The following CNIH3 variants were observed in gnomAD, a reference collection of about 807,000 sequenced individuals.
CNIH3 encodes protein cornichon homolog 3.
CNIH3 carries 14 observed loss-of-function variants against 24.1 expected under a neutral mutation model. The ratio of observed to expected loss-of-function variants is 0.58; its 90% CI spans 0.38 to 0.91. The LOEUF is 0.91. Among genes scored for constraint, CNIH3 ranks in the 40% least tolerant of loss-of-function variants. CNIH3 has a pLI of 0.00. For synonymous variants in CNIH3, 68 were observed against 73.8 expected (o/e 0.92, Z 0.40); for missense variants, 178 against 196.8 (o/e 0.90, Z 0.57).
chr1:224,493,413 G>C (rs1328606030), intron 1 of CNIH3, among the ~76,000 whole-genome samples: 1 of 152,174 alleles, frequency 6.6e-6, no homozygotes, highest in Non-Finnish European at 1.5e-5. Context: ...TGTTTATGAT[G>C]TTTTGGGAGT....
chr1:224,435,298 T>C lies in CNIH3; in HGVS notation n.203+436T>C, dbSNP rs1674601499. 4 of 827,024 alleles carry C rather than the reference T, an allele frequency of 4.8e-6. No individual in the cohort carries two copies. The South Asian group carries it at 1.6e-4, about 34-fold the overall frequency. The allele number at this position is 827,024 out of a possible 1,614,324, so 51.2% of individuals were successfully genotyped here. A position where few individuals can be genotyped will look rare whatever the true frequency, so the allele number is the denominator to read the frequency against. On this transcript the variant is annotated intron_variant and non_coding_transcript_variant, in intron 1 of 5. Transcript: ENST00000471578. ...AGGACCGAAATCGGGTTTCACAACCTACTTGTTTTAGGGTGGAAAAACTTG... is the reference window on the plus strand; with the variant it reads ...AGGACCGAAATCGGGTTTCACAACCCACTTGTTTTAGGGTGGAAAAACTTG...
chr1:224,734,605 C>T lies in CNIH3; in HGVS notation c.354C>T (p.Asp118=), dbSNP rs770469088. 2 of 1,613,978 alleles carry T rather than the reference C, an allele frequency of 1.2e-6. No homozygotes were observed. Among genetic ancestry groups the T allele is most frequent in the Non-Finnish European group, 1.7e-6 (2 of 1,180,012 alleles). Residue 118 remains aspartate (D), a synonymous_variant, in exon 5 of 6, where the codon GAC becomes GAT. Transcript: ENST00000272133. The part of the protein sequence containing the change: ...CPADSSELAY[D]PPVVMNADTL... ...CAGATAGCTCAGAACTAGCCTACGACCCACCGGTGGTCATGAATGCCGACA... is the reference window on the plus strand; with the variant it reads ...CAGATAGCTCAGAACTAGCCTACGATCCACCGGTGGTCATGAATGCCGACA...
chr1:224,517,795 A>G (rs1306648448), intron 1 of CNIH3, among the ~76,000 whole-genome samples: 1 of 152,120 alleles, frequency 6.6e-6, no homozygotes, highest in African/African-American at 2.4e-5. Flanking sequence ...TGCATTTGCC[A>G]TTAGGGAAAT....
intron 3 of CNIH3, among the ~76,000 whole-genome samples, chr1:224,728,339 T>G (rs1689144676): frequency 1.3e-5 from 2 of 152,062 alleles, no homozygotes; most frequent in African/African-American, 2.4e-5. Flanking sequence ...TAGATAGGAT[T>G]GGTTATCACA....
chr1:224,492,296 A>T lies in CNIH3; in HGVS notation n.204-23445A>T, dbSNP rs74388930. On this transcript the variant is annotated intron_variant and non_coding_transcript_variant, in intron 1 of 5. Coordinates refer to the CNIH3 transcript ENST00000471578. ...CTGGTTGTTAAACACTTACCGACAC[A>T]TTACTGTGTGTAGGCATTCCTCCCC... Among the ~76,000 whole-genome samples the T allele has an allele frequency of 3.1e-3, 478 of 152,338 alleles. 1 individual carries two copies. The highest frequency in any genetic ancestry group is 0.011 in the African/African-American group (441 of 41,582).
chr1:224,715,846 C>A (rs1319869895), intron 3 of CNIH3, among the ~76,000 whole-genome samples: 1 of 152,168 alleles, frequency 6.6e-6, no homozygotes, highest in African/African-American at 2.4e-5. Flanking sequence ...TCCCATTAGG[C>A]CCCACTTCCC....
intron 3 of CNIH3, among the ~76,000 whole-genome samples, chr1:224,691,834 T>G (rs965525845): frequency 2.0e-5 from 3 of 152,242 alleles, no homozygotes; most frequent in Non-Finnish European, 1.5e-5. Flanking sequence ...CTTAAAGTGA[T>G]CTTATTCTTT....
intron 1 of CNIH3, among the ~76,000 whole-genome samples, chr1:224,516,284 C>A (rs59319739): frequency 7.0e-6 from 1 of 142,516 alleles, no homozygotes; most frequent in Non-Finnish European, 1.5e-5. Context: ...ACTGCATTCC[C>A]GCCTGGCGAC....
At chr1:224,612,073 T>A (rs1373041623), upstream of CNIH3, among the ~76,000 whole-genome samples, 1 of 152,234 alleles carries the variant, frequency 6.6e-6, no homozygotes, top group Non-Finnish European at 1.5e-5. This position sits in a 1 kb window ranked among gnomAD's most constrained non-coding sequence, Gnocchi z 4.7. Flanking sequence ...AGTGGTAGGA[T>A]AATGGATTCC....
At chr1:224,639,333 G>A (rs1684245120) in intron 1 of CNIH3, among the ~76,000 whole-genome samples, 1 of 152,254 alleles carries the variant, frequency 6.6e-6, no homozygotes, top group African/African-American at 2.4e-5. Context: ...CCTTGAAGGA[G>A]ATTGGCTGAA....
At chr1:224,551,074 G>A (rs973315897) in intron 3 of CNIH3, among the ~76,000 whole-genome samples, 1 of 151,972 alleles carries the variant, frequency 6.6e-6, no homozygotes, top group African/African-American at 2.4e-5. Flanking sequence ...GAAACAACAG[G>A]TGCTGGAGAG....
intron 3 of CNIH3, among the ~76,000 whole-genome samples, chr1:224,553,602 C>G (rs1452327596): frequency 6.6e-6 from 1 of 152,114 alleles, no homozygotes; most frequent in Non-Finnish European, 1.5e-5. Flanking sequence ...TCCTGTTGTG[C>G]TCCTGCTACA....
chr1:224,540,885 AAC>A (rs1679486577), downstream of CNIH3, among the ~76,000 whole-genome samples: 2 of 152,238 alleles, frequency 1.3e-5, no homozygotes, highest in Admixed American at 1.3e-4. Flanking sequence ...TATAGAATTA[AAC>A]AGTGTTCAAC....
At chr1:224,631,843 C>A (rs912534986) in intron 1 of CNIH3, among the ~76,000 whole-genome samples, 1 of 151,996 alleles carries the variant, frequency 6.6e-6, no homozygotes, top group African/African-American at 2.4e-5. Context: ...TTCTTATTGG[C>A]AACTGATTCA....
chr1:224,469,402 G>A (rs1676279300), intron 1 of CNIH3, among the ~76,000 whole-genome samples: 1 of 152,122 alleles, frequency 6.6e-6, no homozygotes, highest in Non-Finnish European at 1.5e-5. Context: ...TCTTTAGCCT[G>A]TTGATATGAT....
At position 224,734,594 on chromosome 1, in the gene CNIH3, C is replaced by T; in HGVS notation, c.343C>T (p.Leu115=). 2 of 1,614,178 alleles carry T rather than the reference C, an allele frequency of 1.2e-6. No homozygotes were observed. The highest frequency in any genetic ancestry group is 8.5e-7 in the Non-Finnish European group (1 of 1,180,018). ...CCACTGTCCAGCAGATAGCTCAGAACTAGCCTACGACCCACCGGTGGTCAT... is the reference window on the plus strand; with the variant it reads ...CCACTGTCCAGCAGATAGCTCAGAATTAGCCTACGACCCACCGGTGGTCAT... ...YFHCPADSSE[L]AYDPPVVMNA... The change falls in exon 5 of 6, where the codon CTA becomes TTA. Residue 115 remains leucine, a synonymous_variant. Coordinates refer to ENST00000272133, the MANE Select transcript of CNIH3 (RefSeq NM_152495.2).
At chr1:224,515,055 G>A (rs935349849), upstream of CNIH3, among the ~76,000 whole-genome samples, 2 of 152,174 alleles carry the variant, frequency 1.3e-5, no homozygotes, top group Non-Finnish European at 2.9e-5. Flanking sequence ...AAACCAGCAG[G>A]TCTTACTCTT....
intron 3 of CNIH3, among the ~76,000 whole-genome samples, chr1:224,691,127 C>G (rs1245090124): frequency 6.6e-6 from 1 of 152,240 alleles, no homozygotes; most frequent in Non-Finnish European, 1.5e-5. Flanking sequence ...TGCTTCCTTA[C>G]CCTCCCCTCT....
At chr1:224,452,639 AG>A (rs1675462385) in intron 1 of CNIH3, among the ~76,000 whole-genome samples, 1 of 151,308 alleles carries the variant, frequency 6.6e-6, no homozygotes, top group Admixed American at 6.6e-5. Flanking sequence ...AACATTAGCC[AG>A]GTGTGGTGAT....
Sources: gnomAD v4.1 joint callset for allele counts (sites outside exome capture counted in the v4.1 genomes callset) on GRCh38, gnomAD v4.1.1 for gene constraint, Gnocchi (gnomAD v3.1) non-coding constraint, MANE v1.5 for transcripts, NCBI Gene and HGNC (gene_info 2026-07-23, HGNC 2026-07-21) for gene names.